The following ANKRD11 variants were observed in gnomAD, a reference collection of about 807,000 sequenced individuals.
ANKRD11 encodes the protein ankyrin repeat domain 11.
ANKRD11 carries 17 observed loss-of-function variants against 195.7 expected under a neutral mutation model. The observed-to-expected ratio is 0.09, with a 90% CI of 0.06 to 0.13. The LOEUF (loss-of-function observed/expected upper bound fraction) is 0.13. ANKRD11 is among the 10% of genes least tolerant of loss of function. The probability of loss-of-function intolerance (pLI) is 1.00; values close to 1 mark genes in which losing one functional copy is unlikely to be tolerated. For synonymous variants in ANKRD11, 1,953 were observed against 1,528.1 expected, an observed-to-expected ratio of 1.28 and a Z score of -6.49; for missense variants, 3,735 against 3,566.1, an observed-to-expected ratio of 1.05 and a Z score of -1.21.
At chr16:89,363,981 G>A (rs1214261304) in intron 2 of ANKRD11, among the ~76,000 whole-genome samples, 5 of 152,116 alleles carry the variant, frequency 3.3e-5, no homozygotes, top group Non-Finnish European at 7.4e-5. Context: ...GACAGCTTGA[G>A]CCCGGGAGTT....
chr16:89,307,966 C>T (rs2036391702), intron 3 of ANKRD11, among the ~76,000 whole-genome samples: 1 of 151,746 alleles, frequency 6.6e-6, no homozygotes, highest in Admixed American at 6.5e-5. Context: ...CCACCATCAC[C>T]TTCATCTCAG....
chr16:89,463,098 G>A (rs1375533577), intron 1 of ANKRD11, among the ~76,000 whole-genome samples: 1 of 150,414 alleles, frequency 6.6e-6, no homozygotes, highest in Admixed American at 6.6e-5. Flanking sequence ...GGGAGGTGAG[G>A]GGCGCCTCTG....
intron 2 of ANKRD11, among the ~76,000 whole-genome samples, chr16:89,345,914 T>C (rs1469130663): frequency 6.6e-6 from 1 of 152,108 alleles, no homozygotes. Flanking sequence ...CGGTCCGACA[T>C]TTATGCAAAT....
At chr16:89,457,810 CT>C in intron 1 of ANKRD11, among the ~76,000 whole-genome samples, 1 of 152,030 alleles carries the variant, frequency 6.6e-6, no homozygotes, top group Non-Finnish European at 1.5e-5. Flanking sequence ...AAAATGGCTG[CT>C]TTTATTATAT....
intron 2 of ANKRD11, chr16:89,324,140 G>A (rs936722536): frequency 1.1e-6 from 1 of 933,134 alleles, no homozygotes; most frequent in Non-Finnish European, 1.4e-6. Flanking sequence ...GCTCTCTACT[G>A]CAGCCCTGTT....
rs750841875 is a variant in ANKRD11 at position 89,275,177 on chromosome 16, G to C, written c.7485C>G (p.Pro2495=). The change falls in exon 10 of 13, where the codon CCC becomes CCG. Residue 2495 remains proline, a synonymous_variant. Coordinates refer to ENST00000301030, the MANE Select transcript of ANKRD11 (RefSeq NM_013275.6). ...GCTCCTTCAGGGGCTCCGCCAGGGA[G>C]GGAGGGGGTGCGATCTACAGGCAAA... ...KLHIPVIAPP[P]SLAEPLKELF... 3.1e-6 allele frequency: 5 copies of C among 1,608,514 alleles called. No individual in the cohort carries two copies. The South Asian group carries it at 5.5e-5, about 18-fold the overall frequency.
At chr16:89,407,182 T>C (rs2041939063) in intron 2 of ANKRD11, among the ~76,000 whole-genome samples, 1 of 148,828 alleles carries the variant, frequency 6.7e-6, no homozygotes, top group Non-Finnish European at 1.5e-5. Context: ...CGAAACCCCG[T>C]CTCAAAAAGA....
chr16:89,313,286 G>A (rs1185415778), intron 3 of ANKRD11: 1 of 1,281,272 alleles, frequency 7.8e-7, no homozygotes, highest in Non-Finnish European at 1.0e-6. Flanking sequence ...CATGGGGTGG[G>A]GACGACACTG....
At chr16:89,432,268 CA>C (rs1254250535) in intron 1 of ANKRD11, among the ~76,000 whole-genome samples, 4 of 151,414 alleles carry the variant, frequency 2.6e-5, no homozygotes, top group Admixed American at 6.6e-5. Flanking sequence ...CACACACACA[CA>C]CACACACACC....
In ANKRD11 at chr16:89,490,481, G is replaced by T; in HGVS notation, c.-381C>A. 2.2e-6 allele frequency: 1 copy of T among 448,504 alleles called. No homozygotes were observed. Among genetic ancestry groups the T allele is most frequent in the Non-Finnish European group, 4.0e-6 (1 of 250,760 alleles). 27.8% of individuals were successfully genotyped at this position (448,504 alleles called of 1,614,324 possible). On this transcript the variant is annotated 5_prime_UTR_variant, in exon 1 of 13. Coordinates refer to ENST00000301030, the MANE Select transcript of ANKRD11 (RefSeq NM_013275.6). The stretch of plus-strand genomic sequence containing the variant: ...CTCCCGGTGCGGACGCTACTGATGG[G>T]GCGTCTGGCCGCGGGCTCGGCGGCG...
At chr16:89,460,872 T>A in intron 1 of ANKRD11, among the ~76,000 whole-genome samples, 1 of 151,742 alleles carries the variant, frequency 6.6e-6, no homozygotes, top group Non-Finnish European at 1.5e-5. Context: ...AATATGCCAG[T>A]CACGAAAGGA....
intron 1 of ANKRD11, among the ~76,000 whole-genome samples, chr16:89,477,767 T>A (rs1214619517): frequency 2.0e-5 from 3 of 149,606 alleles, no homozygotes; most frequent in Admixed American, 6.6e-5. Context: ...AGGTCAGGAG[T>A]TCAAGACCAG....
chr16:89,451,167 G>A (rs2044053912), intron 1 of ANKRD11, among the ~76,000 whole-genome samples: 1 of 152,214 alleles, frequency 6.6e-6, no homozygotes, highest in Non-Finnish European at 1.5e-5. Context: ...CCTGGCCTAT[G>A]TCAGAATTCT....
At chr16:89,347,942 C>CT (rs993295659) in intron 2 of ANKRD11, among the ~76,000 whole-genome samples, 1,918 of 146,536 alleles carry the variant, frequency 0.013, 27 homozygotes, top group African/African-American at 0.04. Flanking sequence ...GGGATTTTGT[C>CT]TTTTTTTTTT....
At chr16:89,354,866 G>C (rs894188697) in intron 2 of ANKRD11, among the ~76,000 whole-genome samples, 5 of 152,144 alleles carry the variant, frequency 3.3e-5, no homozygotes, top group African/African-American at 1.2e-4. Context: ...CAGCCTGGGA[G>C]ACAGAGTGAG....
chr16:89,367,591 C>A (rs2040004289), intron 2 of ANKRD11, among the ~76,000 whole-genome samples: 1 of 152,214 alleles, frequency 6.6e-6, no homozygotes. Context: ...CCCTCCTCAG[C>A]CTGACAAGTC....
intron 2 of ANKRD11, among the ~76,000 whole-genome samples, chr16:89,384,879 C>CTTTTTTTTTTTTTCTTTTTTTTTTT (rs2040834686): frequency 2.0e-5 from 1 of 49,910 alleles, no homozygotes; most frequent in African/African-American, 7.9e-5. Flanking sequence ...AAATAGTTTT[C>CTTTTTTTTTTTTTCTTTTTTTTTTT]TTTTTTTTTT....
chr16:89,486,729 G>C (rs1037623014), intron 1 of ANKRD11, among the ~76,000 whole-genome samples: 1 of 152,166 alleles, frequency 6.6e-6, no homozygotes, highest in Non-Finnish European at 1.5e-5. Context: ...TTTGAGGCCA[G>C]GCATGGTGGC....
chr16:89,423,580 G>A (rs2042599519), intron 1 of ANKRD11, among the ~76,000 whole-genome samples: 1 of 152,192 alleles, frequency 6.6e-6, no homozygotes, highest in Admixed American at 6.5e-5. Context: ...AAAGCACAAG[G>A]TGGTGCCTGC....
Sources: gnomAD v4.1 joint callset for allele counts (sites outside exome capture counted in the v4.1 genomes callset) on GRCh38, gnomAD v4.1.1 for gene constraint, MANE v1.5 for transcripts, NCBI Gene and HGNC (gene_info 2026-07-23, HGNC 2026-07-21) for gene names.